MRPL58: variants seen among roughly 807,000 people sequenced by gnomAD.
MRPL58 encodes mitochondrial ribosomal protein L58.
Under a neutral mutation model 26.0 loss-of-function variants are expected in MRPL58, and 17 were observed. The ratio of observed to expected loss-of-function variants is 0.65; its 90% confidence interval spans 0.45 to 0.98. MRPL58 has a LOEUF of 0.98. MRPL58 is among the 50% of genes least tolerant of loss of function. The pLI is 0.00. For synonymous variants in MRPL58, 100 were observed against 99.7 expected, an observed-to-expected ratio of 1.00 and a Z score of -0.02; for missense variants, 250 against 269.0, an observed-to-expected ratio of 0.93 and a Z score of 0.49.
Position 75,019,767 on chromosome 17 carries a change from G to T in MRPL58, c.283+8G>T. On this transcript the variant is annotated splice_region_variant and intron_variant, in intron 3 of 5. Coordinates refer to ENST00000301585, the MANE Select transcript of MRPL58 (RefSeq NM_001545.3). ...GGCAGAATGTGAACAAAGGTACGGG[G>T]TGCCTTGTTGCTTTCTTTTGCTTTA... The T allele has an allele frequency of 6.3e-7, 1 of 1,588,736 alleles. No individual in the cohort carries two copies. Among genetic ancestry groups the T allele is most frequent in the Non-Finnish European group, 8.6e-7 (1 of 1,162,394 alleles).
chr17:75,017,389 G>C (rs113630793), intron 2 of MRPL58, among the ~76,000 whole-genome samples: 3 of 152,330 alleles, frequency 2.0e-5, no homozygotes, highest in African/African-American at 7.2e-5. Flanking sequence ...AAGGTGGGTA[G>C]ATCACTTGAG....
rs991983270 is a variant in MRPL58 at position 75,012,967 on chromosome 17, C to T, written c.186+95C>T. 27 of 1,164,118 alleles carry T rather than the reference C, an allele frequency of 2.3e-5. No individual in the cohort carries two copies. In the Admixed American group the frequency reaches 3.3e-4, roughly 14 times the overall value. 72.1% of individuals were successfully genotyped at this position (1,164,118 alleles called of 1,614,324 possible). The stretch of plus-strand genomic sequence containing the variant: ...CCATTGGCCGGATGTGGAGCTACGT[C>T]GGGGGGCTACGTGATGGTCGCCGCG... On this transcript the variant is annotated intron_variant, in intron 1 of 5. Coordinates refer to ENST00000301585, the MANE Select transcript of MRPL58 (RefSeq NM_001545.3).
chr17:75,017,699 G>T (rs932781829), intron 2 of MRPL58, among the ~76,000 whole-genome samples: 5 of 152,128 alleles, frequency 3.3e-5, no homozygotes, highest in African/African-American at 1.2e-4. Context: ...AGTGAGCTGA[G>T]ATCCTGCCAT....
At chr17:75,020,257 T>A (rs1326549308) in intron 3 of MRPL58, 56 bp from the exon 4 acceptor site, 5 of 1,372,744 alleles carry the variant, frequency 3.6e-6, no homozygotes, top group Admixed American at 3.4e-5. Context: ...CACCCAGGGG[T>A]TGATCCTTCC....
intron 1 of MRPL58, 50 bp from the exon 2 acceptor site, chr17:75,017,028 A>C: frequency 7.1e-7 from 1 of 1,412,476 alleles, no homozygotes. Flanking sequence ...ACCAGTTAGG[A>C]GTCACCCAGC....
At chr17:75,015,774 C>CT (rs1021322271) in intron 1 of MRPL58, among the ~76,000 whole-genome samples, 2 of 151,752 alleles carry the variant, frequency 1.3e-5, no homozygotes, top group African/African-American at 4.8e-5. Context: ...TTTCTTTTTT[C>CT]TTTTTTTCTG....
intron 2 of MRPL58, among the ~76,000 whole-genome samples, chr17:75,018,009 A>G (rs1441483011): frequency 6.6e-6 from 1 of 152,146 alleles, no homozygotes; most frequent in Non-Finnish European, 1.5e-5. Flanking sequence ...TAAAGAGACT[A>G]TCTCGGGTGT....
At chr17:75,018,244 TTC>T (rs1172950877) in intron 2 of MRPL58, among the ~76,000 whole-genome samples, 1 of 151,850 alleles carries the variant, frequency 6.6e-6, no homozygotes, top group Admixed American at 6.6e-5. Flanking sequence ...TTTTTTTTTT[TTC>T]TTTGAGATGG....
At chr17:75,015,329 C>CT (rs2039964960) in intron 1 of MRPL58, among the ~76,000 whole-genome samples, 1 of 152,114 alleles carries the variant, frequency 6.6e-6, no homozygotes, top group Admixed American at 6.5e-5. Context: ...ACTAAAAATA[C>CT]AAAAATTAGT....
Position 75,021,083 on chromosome 17 carries a change from G to T in MRPL58, c.*78G>T. Reference sequence around the variant, plus strand: ...TGAGAGGACTTTCACACCATAAGGAGATTTCTGTTTTTCTTTTTGGCTGTT... The same window carrying T: ...TGAGAGGACTTTCACACCATAAGGATATTTCTGTTTTTCTTTTTGGCTGTT... On this transcript the variant is annotated 3_prime_UTR_variant, in exon 6 of 6. Coordinates refer to ENST00000301585, the MANE Select transcript of MRPL58 (RefSeq NM_001545.3). The T allele has an allele frequency of 1.1e-6, 1 of 911,328 alleles. No individual in the cohort carries two copies. Among genetic ancestry groups the T allele is most frequent in the Non-Finnish European group, 1.8e-6 (1 of 554,748 alleles). 56.5% of individuals were successfully genotyped at this position (911,328 alleles called of 1,614,324 possible). A position where few individuals can be genotyped will look rare whatever the true frequency, so the allele number is the denominator to read the frequency against.
chr17:75,014,569 G>A (rs528298479), intron 1 of MRPL58, among the ~76,000 whole-genome samples: 4 of 150,400 alleles, frequency 2.7e-5, no homozygotes, highest in South Asian at 2.1e-4. Flanking sequence ...TCAGCCTCCC[G>A]AGTAGCTGGG....
At chr17:75,017,047 T>C (rs755763436) in intron 1 of MRPL58, 31 bp from the exon 2 acceptor site, 1 of 1,584,134 alleles carries the variant, frequency 6.3e-7, no homozygotes, top group African/African-American at 1.3e-5. Context: ...GCAGGTAATA[T>C]TTATTTGACA....
rs1411002103 is a variant in MRPL58, at chr17:75,017,123, T to C, written c.223+9T>C. 7 of 1,608,972 alleles carry C rather than the reference T, an allele frequency of 4.4e-6. No homozygotes were observed. Among genetic ancestry groups the C allele is most frequent in the Non-Finnish European group, 6.0e-6 (7 of 1,175,594 alleles). ...CAGTGACATCCCTCTAGGTAAGTAA[T>C]TTTGTTTTCTTAAAAATCAGTTGGC... On this transcript the variant is annotated intron_variant, in intron 2 of 5. Transcript: ENST00000301585.
intron 1 of MRPL58, among the ~76,000 whole-genome samples, chr17:75,016,877 G>A (rs891610689): frequency 9.2e-5 from 14 of 152,232 alleles, no homozygotes; most frequent in Admixed American, 3.9e-4. Context: ...ATCCATTTTC[G>A]TAGAGGAGTG....
intron 1 of MRPL58, among the ~76,000 whole-genome samples, chr17:75,016,052 T>C (rs995980983): frequency 0.06 from 7 of 116 alleles, no homozygotes; most frequent in African/African-American, 0.17. Flanking sequence ...CCCAAAGTGC[T>C]GGGATTACGG....
At chr17:75,015,688 G>A (rs60623699) in intron 1 of MRPL58, among the ~76,000 whole-genome samples, 3 of 152,112 alleles carry the variant, frequency 2.0e-5, no homozygotes, top group African/African-American at 7.2e-5. Flanking sequence ...AGGAAGGAGG[G>A]TGTGGCCCAT....
rs772297258 is a variant in MRPL58, at chr17:75,020,994, G to A, written c.610G>A (p.Asp204Asn). ...HSAVKTSRRV[D>N]MD ...TGCTGTAAAGACAAGCAGGAGGGTC[G>A]ACATGGACTGAAATCACCCTCTGCA... The change falls in exon 6 of 6, where the codon GAC becomes AAC. Residue 204 changes from aspartate (D) to asparagine (N), a missense_variant. Coordinates refer to ENST00000301585, the MANE Select transcript of MRPL58 (RefSeq NM_001545.3). 5.6e-6 allele frequency: 9 copies of A among 1,612,414 alleles called. No homozygotes were observed. The highest frequency in any genetic ancestry group is 1.7e-5 in the Admixed American group (1 of 59,994).
intron 3 of MRPL58, 75 bp downstream of exon 3, chr17:75,019,834 G>A (rs2040002188): frequency 8.6e-7 from 1 of 1,165,838 alleles, no homozygotes; most frequent in South Asian, 1.5e-5. Flanking sequence ...CTGTGTTTGT[G>A]TTCATATGGA....
At chr17:75,016,550 G>A (rs142181763) in intron 1 of MRPL58, among the ~76,000 whole-genome samples, 1 of 152,294 alleles carries the variant, frequency 6.6e-6, no homozygotes, top group African/African-American at 2.4e-5. Flanking sequence ...AGGCTGAAGG[G>A]CGTTGCTGCT....
Sources: allele counts gnomAD v4.1 joint callset (sites outside exome capture counted in the v4.1 genomes callset), GRCh38; gene constraint gnomAD v4.1.1; transcripts MANE v1.5; gene names NCBI Gene and HGNC (gene_info 2026-07-23, HGNC 2026-07-21).